WASHC5: variants seen among roughly 807,000 people sequenced by gnomAD.
The protein encoded by WASHC5 is WASH complex subunit strumpellin.
Under a neutral mutation model 150.4 loss-of-function variants are expected in WASHC5, and 101 were observed. The observed-to-expected ratio is 0.67, with a 90% CI of 0.57 to 0.79. WASHC5 has a LOEUF of 0.79. Ranked by LOEUF, WASHC5 falls within the 30% of genes least tolerant of loss-of-function variation. WASHC5 has a pLI of 0.00. For synonymous variants in WASHC5, 467 were observed against 491.2 expected (o/e 0.95, Z 0.65); for missense variants, 1,195 against 1,396.3 (o/e 0.86, Z 2.30).
chr8:125,083,297 A>C (rs747605924), intron 2 of WASHC5, 39 bp from the exon 3 acceptor site: 10 of 1,593,154 alleles, frequency 6.3e-6, no homozygotes, highest in Admixed American at 5.0e-5. Flanking sequence ...CAATAAAAGC[A>C]TACTTGTTGG....
chr8:125,058,100 C>G (rs1294689742), intron 14 of WASHC5, among the ~76,000 whole-genome samples: 1 of 151,490 alleles, frequency 6.6e-6, no homozygotes, highest in East Asian at 1.9e-4. Context: ...TTGACAGATT[C>G]TACCGAATCT....
At position 125,061,161 on chromosome 8, in the gene WASHC5, T is replaced by C. The variant is rs763360301; in HGVS notation, c.1442A>G (p.Lys481Arg). 2.5e-6 allele frequency: 4 copies of C among 1,610,850 alleles called. No individual in the cohort carries two copies. The East Asian group carries it at 8.9e-5, about 36-fold the overall frequency. ...NLQAWFREIS[K>R]QILSLNYDDS... ...ATCATAATTTAAAGACAATATTTGT[T>C]TTGAGATCTCTCTGAACCAAGCTTG... The change falls in exon 12 of 29, where the codon AAA (lysine) becomes AGA (arginine). Residue 481 changes from lysine to arginine, a missense_variant. Lys to Arg is a conservative substitution (Grantham distance 26). Transcript: ENST00000318410.
intron 16 of WASHC5, 74 bp from the exon 17 acceptor site, chr8:125,055,745 A>G (rs1586358446): frequency 1.1e-6 from 1 of 948,416 alleles, no homozygotes; most frequent in East Asian, 2.4e-5. Flanking sequence ...ACAGGAAAAG[A>G]ACTTGTAGCT....
At chr8:125,027,426 T>A (rs1040752442) in intron 28 of WASHC5, among the ~76,000 whole-genome samples, 42 of 152,238 alleles carry the variant, frequency 2.8e-4, no homozygotes, top group African/African-American at 9.9e-4. Context: ...TACGATGGAA[T>A]GCTACGCAGC....
Position 125,061,184 on chromosome 8 carries a change from T to C in WASHC5, c.1419A>G (p.Gln473=). ...LTRVEKNENL[Q]AWFREISKQI... The stretch of plus-strand genomic sequence containing the variant: ...GTTTTGAGATCTCTCTGAACCAAGC[T>C]TGAAGGTTTTCTAGTAATACAGAAA... The change falls in exon 12 of 29, where the codon CAA becomes CAG. Residue 473 remains glutamine (Q), a synonymous_variant. Coordinates refer to ENST00000318410, the MANE Select transcript of WASHC5 (RefSeq NM_014846.4). 6.3e-7 allele frequency: 1 copy of C among 1,579,652 alleles called. No homozygotes were observed. Among genetic ancestry groups the C allele is most frequent in the Non-Finnish European group, 8.7e-7 (1 of 1,149,006 alleles).
At chr8:125,054,694 C>A (rs999562018) in intron 17 of WASHC5, among the ~76,000 whole-genome samples, 9 of 152,148 alleles carry the variant, frequency 5.9e-5, no homozygotes, top group African/African-American at 2.2e-4. Context: ...TGGTGGGCGC[C>A]TGTAGTCCCA....
rs1276298276 is a variant in WASHC5 at position 125,084,041 on chromosome 8, T to C, written c.-124-19A>G. 2.6e-6 allele frequency: 2 copies of C among 765,342 alleles called. No individual in the cohort carries two copies. The highest frequency in any genetic ancestry group is 2.2e-5 in the Admixed American group (1 of 45,950). The allele number at this position is 765,342 out of a possible 1,614,324, so 47.4% of individuals were successfully genotyped here. Reference sequence around the variant, plus strand: ...AAAGAACCTGTATCCCCAAAAAAAGTGTGAAAATCTCAATTTGTTTAAGGA... The same window carrying C: ...AAAGAACCTGTATCCCCAAAAAAAGCGTGAAAATCTCAATTTGTTTAAGGA... On this transcript the variant is annotated intron_variant, in intron 1 of 28. Coordinates refer to ENST00000318410, the MANE Select transcript of WASHC5 (RefSeq NM_014846.4).
chr8:125,051,561 C>T (rs547761533), intron 17 of WASHC5, among the ~76,000 whole-genome samples: 10 of 152,212 alleles, frequency 6.6e-5, no homozygotes, highest in African/African-American at 2.2e-4. Context: ...GGTGAAAGGC[C>T]CTATGTTCTT....
chr8:125,072,398 T>C (rs1037517937), intron 9 of WASHC5, among the ~76,000 whole-genome samples: 16 of 140,874 alleles, frequency 1.1e-4, no homozygotes, highest in African/African-American at 3.7e-4. Context: ...TTTTGAGACG[T>C]GGTCTTGCTC....
intron 23 of WASHC5, among the ~76,000 whole-genome samples, chr8:125,042,450 G>A (rs1287802564): frequency 1.3e-5 from 2 of 152,032 alleles, no homozygotes; most frequent in East Asian, 1.9e-4. Flanking sequence ...GTGACTGTAC[G>A]CACCCTAATT....
At chr8:125,090,106 G>C (rs1320532877) in intron 1 of WASHC5, among the ~76,000 whole-genome samples, 2 of 152,200 alleles carry the variant, frequency 1.3e-5, no homozygotes, top group Non-Finnish European at 2.9e-5. Flanking sequence ...AACAAGATTA[G>C]CTGAAAGAAG....
chr8:125,072,247 C>A (rs936888161), intron 9 of WASHC5, among the ~76,000 whole-genome samples: 1 of 146,754 alleles, frequency 6.8e-6, no homozygotes, highest in African/African-American at 2.5e-5. Context: ...GCGGGGATTG[C>A]GGAAGTTGTA....
intron 5 of WASHC5, 134 bp from the exon 6 acceptor site, chr8:125,079,064 T>C (rs2130192291): frequency 1.7e-6 from 1 of 604,532 alleles, no homozygotes; most frequent in East Asian, 3.1e-5. Flanking sequence ...ATCTATATCC[T>C]CAATATATCC....
rs1306345455 is a variant in WASHC5 at position 125,055,454 on chromosome 8, G to A, written c.2097+137C>T. 3 of 720,008 alleles carry A rather than the reference G, an allele frequency of 4.2e-6. No individual in the cohort carries two copies. In the African/African-American group the frequency reaches 5.3e-5, roughly 13 times the overall value. 44.6% of individuals were successfully genotyped at this position (720,008 alleles called of 1,614,324 possible). On this transcript the variant is annotated intron_variant, in intron 17 of 28. Coordinates refer to ENST00000318410, the MANE Select transcript of WASHC5 (RefSeq NM_014846.4). Reference sequence around the variant, plus strand: ...AAAACTCAACTAAAATAAAATAAATGAGTAAAATGAAGACCGAAATTGGAA... The same window carrying A: ...AAAACTCAACTAAAATAAAATAAATAAGTAAAATGAAGACCGAAATTGGAA...
chr8:125,034,964 T>C (rs1815655790), intron 26 of WASHC5, among the ~76,000 whole-genome samples: 2 of 152,216 alleles, frequency 1.3e-5, no homozygotes, highest in South Asian at 4.1e-4. Flanking sequence ...CAAGGTTAAA[T>C]AAATGTTTTT....
In WASHC5 at chr8:125,044,778, C is replaced by A. The variant is rs16900255; in HGVS notation, c.2505-80G>T. Reference sequence around the variant, plus strand: ...AGATGTTAGGACTCAACAGGACATGCGGCACCAAATATGAAGAACAGGAGT... The same window carrying A: ...AGATGTTAGGACTCAACAGGACATGAGGCACCAAATATGAAGAACAGGAGT... On this transcript the variant is annotated intron_variant, in intron 20 of 28. Transcript: ENST00000318410. 5.2e-3 allele frequency: 7,085 copies of A among 1,370,236 alleles called. 291 individuals are homozygous for A. The African/African-American group carries it at 0.089, about 17-fold the overall frequency. 84.9% of individuals were successfully genotyped at this position (1,370,236 alleles called of 1,614,324 possible). A position where few individuals can be genotyped will look rare whatever the true frequency, so the allele number is the denominator to read the frequency against.
intron 20 of WASHC5, among the ~76,000 whole-genome samples, chr8:125,046,782 CAG>C (rs751738749): frequency 1.8e-4 from 27 of 152,114 alleles, no homozygotes; most frequent in Non-Finnish European, 2.8e-4. Context: ...TTTGTGGAGA[CAG>C]GGGGGCGGGG....
rs775235313 is a variant in WASHC5, at chr8:125,038,925, C to A, written c.2989G>T (p.Asp997Tyr). The A allele has an allele frequency of 6.2e-7, 1 of 1,613,942 alleles. No homozygotes were observed. The highest frequency in any genetic ancestry group is 2.2e-5 in the East Asian group (1 of 44,872). The change falls in exon 25 of 29, where the codon GAC becomes TAC. Residue 997 changes from aspartate (D) to tyrosine (Y), a missense_variant. This residue lies in a region of WASHC5 where 997 missense variants were observed against 1,168.1 expected (regional missense o/e 0.85). Coordinates refer to ENST00000318410, the MANE Select transcript of WASHC5 (RefSeq NM_014846.4). ...LLADIEAHYQ[D>Y]PSLPYPKEDN... is the part of the protein sequence containing the mutation. Reference sequence around the variant, plus strand: ...TCTTTGGGGTAAGGAAGTGAAGGGTCCTGATAGTGGGCTTCAATGTCTGCT... The same window carrying A: ...TCTTTGGGGTAAGGAAGTGAAGGGTACTGATAGTGGGCTTCAATGTCTGCT...
chr8:125,082,826 C>T (rs1345938975), intron 3 of WASHC5: 4 of 358,942 alleles, frequency 1.1e-5, no homozygotes, highest in Non-Finnish European at 1.5e-5. Flanking sequence ...CTTTTTCCCA[C>T]TTTTCACATA....
Sources: gnomAD v4.1 joint callset for allele counts (sites outside exome capture counted in the v4.1 genomes callset) on GRCh38, gnomAD v4.1.1 for gene constraint, gnomAD v4.1.1 regional missense constraint, MANE v1.5 for transcripts, NCBI Gene and HGNC (gene_info 2026-07-23, HGNC 2026-07-21) for gene names.